Variants in NUP153 observed in about 807,000 individuals in gnomAD.
NUP153 encodes the protein nucleoporin 153.
NUP153 carries 27 observed loss-of-function variants against 134.6 expected under a neutral mutation model. That is an observed-to-expected ratio of 0.20 (90% CI 0.15 to 0.28). The LOEUF (loss-of-function observed/expected upper bound fraction) is 0.28. Among genes scored for constraint, NUP153 ranks in the 10% least tolerant of loss-of-function variants. The pLI, the probability that NUP153 is intolerant of heterozygous loss-of-function variation, is 1.00. For synonymous variants in NUP153, 640 were observed against 623.5 expected, an observed-to-expected ratio of 1.03 and a Z score of -0.40; for missense variants, 1,821 against 1,731.3, an observed-to-expected ratio of 1.05 and a Z score of -0.92.
intron 11 of NUP153, among the ~76,000 whole-genome samples, chr6:17,649,819 A>C (rs1176821362): frequency 6.6e-6 from 1 of 152,206 alleles, no homozygotes; most frequent in Non-Finnish European, 1.5e-5. Context: ...ATAGATATGT[A>C]TGTATAAGAA....
chr6:17,631,291 T>C (rs1296714979), intron 17 of NUP153, among the ~76,000 whole-genome samples: 6 of 152,366 alleles, frequency 3.9e-5, no homozygotes, highest in African/African-American at 1.2e-4. Context: ...GGTTTATTCC[T>C]GACTTTTGGT....
chr6:17,636,858 C>G (rs1169856477), intron 16 of NUP153, among the ~76,000 whole-genome samples: 3 of 152,088 alleles, frequency 2.0e-5, no homozygotes, highest in African/African-American at 7.2e-5. Flanking sequence ...AAATATTACC[C>G]CATTCTAAGA....
chr6:17,685,507 C>A (rs969978977), intron 2 of NUP153, among the ~76,000 whole-genome samples: 1 of 151,006 alleles, frequency 6.6e-6, no homozygotes, highest in Non-Finnish European at 1.5e-5. Context: ...CGAGATCGAG[C>A]CACTGCACTC....
At chr6:17,704,509 T>C (rs953629000) in intron 1 of NUP153, among the ~76,000 whole-genome samples, 16 of 152,194 alleles carry the variant, frequency 1.1e-4, no homozygotes, top group Non-Finnish European at 2.4e-4. Flanking sequence ...ATGGCCAGGC[T>C]TGTGACCTGA....
At position 17,676,334 on chromosome 6, in the gene NUP153, A is replaced by G. The variant is rs113878152; in HGVS notation, c.335-564T>C. 7.9e-5 allele frequency among the ~76,000 whole-genome samples: 12 copies of G among 152,254 alleles called. 1 individual carries two copies. The highest frequency in any genetic ancestry group is 2.9e-4 in the African/African-American group (12 of 41,558). Reference sequence around the variant, plus strand: ...GATTGAGAAGCCACTGTTACCACATACTAAACCATACTAAATTCCCAGAGT... The same window carrying G: ...GATTGAGAAGCCACTGTTACCACATGCTAAACCATACTAAATTCCCAGAGT... On this transcript the variant is annotated intron_variant, in intron 2 of 21. Transcript: ENST00000262077.
rs187002202 is a variant in NUP153, at chr6:17,618,767, C to T, written c.4175-2072G>A. Among the ~76,000 whole-genome samples, 196 of 152,156 alleles carry T rather than the reference C, an allele frequency of 1.3e-3. 1 individual carries two copies. Among genetic ancestry groups the T allele is most frequent in the Admixed American group, 4.0e-3 (61 of 15,280 alleles). ...TTTCTTAGTAGAGATGGGGTTTCACCGTGTTAGCCAGGATGGTCTCGATAT... is the reference window on the plus strand; with the variant it reads ...TTTCTTAGTAGAGATGGGGTTTCACTGTGTTAGCCAGGATGGTCTCGATAT... On this transcript the variant is annotated intron_variant, in intron 20 of 21. Coordinates refer to ENST00000262077, the MANE Select transcript of NUP153 (RefSeq NM_005124.4).
At chr6:17,653,236 G>C (rs1162908181) in intron 11 of NUP153, among the ~76,000 whole-genome samples, 1 of 151,910 alleles carries the variant, frequency 6.6e-6, no homozygotes, top group African/African-American at 2.4e-5. Context: ...CTGGGCGACA[G>C]AGCGAGGCTC....
intron 11 of NUP153, among the ~76,000 whole-genome samples, chr6:17,655,724 G>A (rs1355760524): frequency 6.6e-6 from 1 of 151,704 alleles, no homozygotes; most frequent in East Asian, 1.9e-4. Context: ...CAAAGTACTG[G>A]GATTACAGGT....
chr6:17,650,212 A>G (rs926471097), intron 11 of NUP153, among the ~76,000 whole-genome samples: 1 of 152,214 alleles, frequency 6.6e-6, no homozygotes, highest in Non-Finnish European at 1.5e-5. Context: ...ATGGGAGAGG[A>G]CACTTGGAAA....
At chr6:17,637,055 T>C in intron 16 of NUP153, 98 bp downstream of exon 16, 3 of 1,191,352 alleles carry the variant, frequency 2.5e-6, no homozygotes, top group Non-Finnish European at 3.5e-6. Context: ...GTATGAGAAA[T>C]GCTCATCCTG....
intron 2 of NUP153, among the ~76,000 whole-genome samples, chr6:17,679,714 T>C (rs1768462038): frequency 6.6e-6 from 1 of 152,216 alleles, no homozygotes; most frequent in Non-Finnish European, 1.5e-5. Flanking sequence ...TTTTCTTCTC[T>C]TCACAAAATC....
intron 5 of NUP153, among the ~76,000 whole-genome samples, chr6:17,674,450 T>A (rs957010817): frequency 6.6e-6 from 1 of 152,148 alleles, no homozygotes; most frequent in Non-Finnish European, 1.5e-5. Context: ...CCCATAGCTG[T>A]TGTTTTCCCA....
intron 20 of NUP153, among the ~76,000 whole-genome samples, chr6:17,618,560 CTCTTTTTTTT>C (rs1764459439): frequency 9.5e-6 from 1 of 104,950 alleles, no homozygotes. Context: ...GTTAAAATCT[CTCTTTTTTTT>C]TTTTTTTTTT....
chr6:17,673,045 GCA>G (rs145075461), intron 5 of NUP153, among the ~76,000 whole-genome samples: 8 of 151,370 alleles, frequency 5.3e-5, no homozygotes, highest in African/African-American at 1.2e-4. Context: ...ACACACACAC[GCA>G]CACACACACA....
chr6:17,670,089 C>T (rs1767800312), intron 5 of NUP153, among the ~76,000 whole-genome samples: 1 of 91,514 alleles, frequency 1.1e-5, no homozygotes. Flanking sequence ...GAGCGAGACT[C>T]TTTCTCAAAA....
chr6:17,640,685 T>C (rs1027659091), intron 14 of NUP153, among the ~76,000 whole-genome samples: 2 of 152,234 alleles, frequency 1.3e-5, no homozygotes, highest in Non-Finnish European at 2.9e-5. Context: ...GGTGCAATCA[T>C]AGCTTAATGC....
chr6:17,631,215 T>C (rs1249013829), intron 17 of NUP153, among the ~76,000 whole-genome samples: 2 of 150,372 alleles, frequency 1.3e-5, no homozygotes, highest in East Asian at 3.9e-4. Flanking sequence ...GCAAGTATTA[T>C]TTTGCAAAAC....
intron 1 of NUP153, among the ~76,000 whole-genome samples, chr6:17,700,419 A>C (rs1013886561): frequency 5.9e-5 from 9 of 152,174 alleles, no homozygotes; most frequent in African/African-American, 2.2e-4. Flanking sequence ...ACTCCATTAC[A>C]CTACAATGTT....
At chr6:17,674,600 C>T (rs942740173) in intron 5 of NUP153, among the ~76,000 whole-genome samples, 1 of 152,040 alleles carries the variant, frequency 6.6e-6, no homozygotes, top group Admixed American at 6.6e-5. Flanking sequence ...TGAAACCCGT[C>T]TCTACTAAAA....
Sources: gnomAD v4.1 joint callset for allele counts (sites outside exome capture counted in the v4.1 genomes callset) on GRCh38, gnomAD v4.1.1 for gene constraint, MANE v1.5 for transcripts, NCBI Gene and HGNC (gene_info 2026-07-23, HGNC 2026-07-21) for gene names.